COPA: variants seen among roughly 807,000 people sequenced by gnomAD.
The protein encoded by COPA is coat protein complex I subunit alpha.
COPA carries 10 observed loss-of-function variants against 158.7 expected under a neutral mutation model. The ratio of observed to expected loss-of-function variants is 0.06; its 90% CI spans 0.04 to 0.11. The LOEUF (loss-of-function observed/expected upper bound fraction) is 0.11. Ranked by LOEUF, COPA falls within the 10% of genes least tolerant of loss-of-function variation. The pLI, the probability that COPA is intolerant of heterozygous loss-of-function variation, is 1.00. For missense variants in COPA, 1,065 were observed against 1,536.7 expected (o/e 0.69, Z 5.13); for synonymous variants, 462 against 542.8 (o/e 0.85, Z 2.07).
intron 17 of COPA, among the ~76,000 whole-genome samples, chr1:160,300,995 A>G (rs1427346068): frequency 2.0e-5 from 3 of 152,056 alleles, no homozygotes; most frequent in Non-Finnish European, 2.9e-5. Context: ...GCTCATGCCT[A>G]TAATCCCAGC....
chr1:160,327,710 T>C (rs535652044), intron 6 of COPA, among the ~76,000 whole-genome samples: 55 of 151,574 alleles, frequency 3.6e-4, no homozygotes, highest in African/African-American at 1.2e-3. Flanking sequence ...ATACAAAAAT[T>C]AGCTGGGTGT....
At chr1:160,300,568 A>C (rs1297774226) in intron 17 of COPA, among the ~76,000 whole-genome samples, 2 of 152,128 alleles carry the variant, frequency 1.3e-5, no homozygotes, top group Non-Finnish European at 2.9e-5. Context: ...TATTCAAGGA[A>C]GAATTAATTC....
chr1:160,299,708 G>T (rs528737910), intron 17 of COPA, among the ~76,000 whole-genome samples: 226 of 152,236 alleles, frequency 1.5e-3, no homozygotes, highest in South Asian at 3.1e-3. Context: ...TATAGCTAAT[G>T]CAACATTTAA....
At chr1:160,318,610 A>G (rs74125585) in intron 8 of COPA, among the ~76,000 whole-genome samples, 5,022 of 151,892 alleles carry the variant, frequency 0.033, 274 homozygotes, top group African/African-American at 0.12. Context: ...ATGGTGGTAC[A>G]CAATCCACTT....
At chr1:160,312,780 T>C (rs1659008397) in intron 10 of COPA, among the ~76,000 whole-genome samples, 1 of 152,242 alleles carries the variant, frequency 6.6e-6, no homozygotes, top group Non-Finnish European at 1.5e-5. Context: ...CTGCATTTGC[T>C]GTTCCCATTG....
In COPA at chr1:160,326,512, T is replaced by C. The variant is rs117720601; in HGVS notation, c.497-860A>G. Reference sequence around the variant, plus strand: ...CCACTGCACTCCAGCCTGGGTGACATTGAGACCCTATCTCAAAAAAGAAAA... The same window carrying C: ...CCACTGCACTCCAGCCTGGGTGACACTGAGACCCTATCTCAAAAAAGAAAA... On this transcript the variant is annotated intron_variant, in intron 6 of 32. Transcript: ENST00000241704. Among the ~76,000 whole-genome samples the C allele has an allele frequency of 1.7e-3, 259 of 152,170 alleles. 3 individuals are homozygous for C. The East Asian group carries it at 0.024, about 14-fold the overall frequency.
At chr1:160,294,382 G>T in intron 25 of COPA, 102 bp downstream of exon 25, 2 of 961,388 alleles carry the variant, frequency 2.1e-6, no homozygotes, top group Non-Finnish European at 3.3e-6. Context: ...AGTGGTAGGG[G>T]ATAGGATAGG....
At chr1:160,318,755 T>G (rs1659241715) in intron 8 of COPA, among the ~76,000 whole-genome samples, 1 of 152,038 alleles carries the variant, frequency 6.6e-6, no homozygotes, top group South Asian at 2.1e-4. Flanking sequence ...GTTTTAGCCT[T>G]TGTTTTTGTT....
At position 160,307,238 on chromosome 1, in the gene COPA, T is replaced by C. The variant is rs1296008899; in HGVS notation, c.1227A>G (p.Glu409=). The part of the protein sequence containing the change: ...DADSQNPDAP[E]GKRSSGLTAV... Reference sequence around the variant, plus strand: ...CTGTCAGGCCTGAGGATCGTTTCCCTTCAGGCGCTGAGAAGAACAAAACCA... The same window carrying C: ...CTGTCAGGCCTGAGGATCGTTTCCCCTCAGGCGCTGAGAAGAACAAAACCA... Residue 409 remains glutamate (E), a synonymous_variant, in exon 14 of 33, where the codon GAA becomes GAG. Coordinates refer to ENST00000241704, the MANE Select transcript of COPA (RefSeq NM_004371.4). 1.2e-6 allele frequency: 2 copies of C among 1,614,146 alleles called. No individual in the cohort carries two copies. The highest frequency in any genetic ancestry group is 1.7e-6 in the Non-Finnish European group (2 of 1,179,990).
chr1:160,305,684 T>A lies in COPA; in HGVS notation c.1528+4A>T. 1 of 1,614,116 alleles carries A rather than the reference T, an allele frequency of 6.2e-7. No homozygotes were observed. Among genetic ancestry groups the A allele is most frequent in the South Asian group, 1.1e-5 (1 of 91,074 alleles). On this transcript the variant is annotated splice_donor_region_variant and intron_variant, in intron 16 of 32. Coordinates refer to ENST00000241704, the MANE Select transcript of COPA (RefSeq NM_004371.4). ...AAATCAGGGTGGATATAATGAAGAC[T>A]CACCGTGTTTGGCTAGTAGTGCTAC... is the stretch of plus-strand genomic sequence containing the variant.
At chr1:160,318,468 TAA>T (rs71090307) in intron 8 of COPA, among the ~76,000 whole-genome samples, 1 of 15,676 alleles carries the variant, frequency 6.4e-5, no homozygotes. Flanking sequence ...ACAATATTTG[TAA>T]AAAAAAAAAA....
chr1:160,320,476 G>A (rs1659294675), intron 8 of COPA, among the ~76,000 whole-genome samples: 1 of 151,676 alleles, frequency 6.6e-6, no homozygotes, highest in Non-Finnish European at 1.5e-5. Context: ...TGGGTATGGT[G>A]GCACAGCCTG....
At position 160,294,532 on chromosome 1, in the gene COPA, T is replaced by A; in HGVS notation, c.2628A>T (p.Glu876Asp). 6.2e-7 allele frequency: 1 copy of A among 1,614,226 alleles called. No individual in the cohort carries two copies. The highest frequency in any genetic ancestry group is 1.1e-5 in the South Asian group (1 of 91,086). ...GDDALGKGQEEGGGWDVEEDL... is the reference protein window; with the variant it reads ...GDDALGKGQEDGGGWDVEEDL... ...CTTCTTCTACATCCCAGCCACCTCC[T>A]TCTTCCTGTCCCTTGCCAAGAGCAT... The change falls in exon 25 of 33, where the codon GAA (glutamate) becomes GAT (aspartate). Residue 876 changes from glutamate to aspartate, a missense_variant. Physicochemically the swap from Glu to Asp is conservative, Grantham distance 45. This residue lies in a region of COPA where 980 missense variants were observed against 1,357.8 expected (regional missense o/e 0.72). Coordinates refer to ENST00000241704, the MANE Select transcript of COPA (RefSeq NM_004371.4).
intron 1 of COPA, among the ~76,000 whole-genome samples, 171 bp from the exon 2 acceptor site, chr1:160,340,465 G>A (rs1274524256): frequency 1.3e-5 from 2 of 152,160 alleles, no homozygotes; most frequent in Non-Finnish European, 2.9e-5. Flanking sequence ...TTTGGTACTA[G>A]ATTTTTGTCA....
intron 8 of COPA, chr1:160,317,749 T>C: frequency 1.6e-6 from 2 of 1,226,120 alleles, no homozygotes; most frequent in Non-Finnish European, 2.4e-6. Flanking sequence ...TCCTTTCTCA[T>C]TTTTAAAAAT....
intron 25 of COPA, 33 bp from the exon 26 acceptor site, chr1:160,293,496 ATT>A (rs368176604): frequency 0.012 from 15,678 of 1,267,582 alleles, no homozygotes; most frequent in South Asian, 0.016. Flanking sequence ...GTATTGAGTA[ATT>A]TTTTTTTTTT....
rs776753681 is a variant in COPA, at chr1:160,339,912, A to C, written c.225T>G (p.Ile75Met). 7 of 1,613,592 alleles carry C rather than the reference A, an allele frequency of 4.3e-6. No individual in the cohort carries two copies. Among genetic ancestry groups the C allele is most frequent in the Non-Finnish European group, 5.9e-6 (7 of 1,179,570 alleles). ...AGTTATGACAGACCCTCTGTACCTT[A>C]ATCTTATAGTCATCTCCTCCAGAGA... ...LFVSGGDDYK[I>M]KVWNYKLRRC... is the part of the protein sequence containing the mutation. Residue 75 changes from isoleucine (I) to methionine (M), a missense_variant, in exon 3 of 33, where the codon ATT (isoleucine) becomes ATG (methionine). Physicochemically the swap from Ile to Met is conservative, Grantham distance 10. This residue lies in a region of COPA where 85 missense variants were observed against 178.9 expected (regional missense o/e 0.48). Coordinates refer to ENST00000241704, the MANE Select transcript of COPA (RefSeq NM_004371.4).
intron 19 of COPA, 91 bp from the exon 20 acceptor site, chr1:160,297,836 T>G (rs962733041): frequency 3.5e-5 from 47 of 1,347,846 alleles, no homozygotes; most frequent in Non-Finnish European, 4.6e-5. Flanking sequence ...TATATAGATT[T>G]CCTGAAGAAC....
chr1:160,296,183 A>C lies in COPA; in HGVS notation c.2264-34T>G, dbSNP rs74125575. On this transcript the variant is annotated intron_variant, in intron 21 of 32. Transcript: ENST00000241704. ...AAAACAGACTTTGTGGTATAGGTAC[A>C]TTTCCAAATGCATGCTGCTGTGGTA... 6,601 of 1,581,732 alleles carry C rather than the reference A, an allele frequency of 4.2e-3. 118 individuals are homozygous for C. The highest frequency in any genetic ancestry group is 0.042 in the African/African-American group (3,087 of 74,334).
Sources: gnomAD v4.1 joint callset for allele counts (sites outside exome capture counted in the v4.1 genomes callset) on GRCh38, gnomAD v4.1.1 for gene constraint, gnomAD v4.1.1 regional missense constraint, MANE v1.5 for transcripts, NCBI Gene and HGNC (gene_info 2026-07-23, HGNC 2026-07-21) for gene names.